UVRAG: variants seen among roughly 807,000 people sequenced by gnomAD.
UVRAG encodes UV radiation resistance-associated gene protein.
Under a neutral mutation model 78.0 loss-of-function variants are expected in UVRAG, and 19 were observed. That is an observed-to-expected ratio of 0.24 (90% CI 0.17 to 0.36). UVRAG has a LOEUF of 0.36. UVRAG is among the 10% of genes least tolerant of loss of function. The pLI, the probability that UVRAG is intolerant of heterozygous loss-of-function variation, is 1.00. For missense variants in UVRAG, 740 were observed against 853.8 expected (o/e 0.87, Z 1.66); for synonymous variants, 323 against 324.6 (o/e 1.00, Z 0.05).
At chr11:75,877,852 C>G (rs1313901772) in intron 3 of UVRAG, among the ~76,000 whole-genome samples, 40 of 136,314 alleles carry the variant, frequency 2.9e-4, no homozygotes, top group African/African-American at 1.1e-3. Flanking sequence ...GGCGGCTGGC[C>G]GGGCGGGGGG....
chr11:76,095,132 A>T (rs1414105870), intron 13 of UVRAG, among the ~76,000 whole-genome samples: 1 of 152,164 alleles, frequency 6.6e-6, no homozygotes, highest in Non-Finnish European at 1.5e-5. Flanking sequence ...ATTTGTCAGG[A>T]TGGAAAAAGA....
intron 8 of UVRAG, 116 bp downstream of exon 8, chr11:75,983,629 TG>T: frequency 7.6e-7 from 1 of 1,321,754 alleles, no homozygotes; most frequent in Non-Finnish European, 1.0e-6. Flanking sequence ...CATCACTTAA[TG>T]ACAGGGATAT....
intron 13 of UVRAG, among the ~76,000 whole-genome samples, chr11:76,111,404 C>T (rs1347184553): frequency 6.6e-6 from 1 of 152,112 alleles, no homozygotes; most frequent in East Asian, 1.9e-4. Flanking sequence ...GTAATACTCC[C>T]AGTTCACTTT....
At chr11:75,952,858 A>G (rs1208875682) in intron 6 of UVRAG, among the ~76,000 whole-genome samples, 3 of 152,020 alleles carry the variant, frequency 2.0e-5, no homozygotes, top group African/African-American at 4.8e-5. Flanking sequence ...TGCTACTGGC[A>G]TTTTACCGGT....
At chr11:76,108,628 G>A (rs914655092) in intron 13 of UVRAG, among the ~76,000 whole-genome samples, 1 of 152,120 alleles carries the variant, frequency 6.6e-6, no homozygotes, top group Non-Finnish European at 1.5e-5. Context: ...ACAAAAAGGG[G>A]GTATAGGAGA....
intron 14 of UVRAG, among the ~76,000 whole-genome samples, chr11:76,135,833 G>A (rs923925846): frequency 2.6e-5 from 4 of 152,194 alleles, no homozygotes; most frequent in Admixed American, 6.5e-5. Flanking sequence ...CTTGGTGGGA[G>A]CAGAGAATAA....
At chr11:76,075,262 T>A (rs1224533420) in intron 13 of UVRAG, among the ~76,000 whole-genome samples, 2 of 151,786 alleles carry the variant, frequency 1.3e-5, no homozygotes, top group African/African-American at 4.8e-5. Flanking sequence ...GTACTAAATT[T>A]AAAAAAAAGT....
At chr11:75,963,433 C>A (rs1360798871) in intron 7 of UVRAG, among the ~76,000 whole-genome samples, 1 of 152,162 alleles carries the variant, frequency 6.6e-6, no homozygotes, top group African/African-American at 2.4e-5. Flanking sequence ...GAGAATAATG[C>A]CATCTACATG....
intron 12 of UVRAG, among the ~76,000 whole-genome samples, chr11:76,020,264 A>G (rs1425095486): frequency 1.3e-5 from 2 of 152,064 alleles, no homozygotes; most frequent in African/African-American, 4.8e-5. Context: ...ACGTCCAGAA[A>G]TGCCATCCAA....
intron 8 of UVRAG, among the ~76,000 whole-genome samples, chr11:75,984,658 A>G (rs1591095609): frequency 6.6e-6 from 1 of 152,258 alleles, no homozygotes; most frequent in South Asian, 2.1e-4. Context: ...CCTTCCATTT[A>G]CCACATCTCC....
At chr11:75,948,904 T>A (rs1157844716) in intron 6 of UVRAG, among the ~76,000 whole-genome samples, 1 of 152,170 alleles carries the variant, frequency 6.6e-6, no homozygotes, top group African/African-American at 2.4e-5. Flanking sequence ...TCTAGTTGTC[T>A]CTAAGGAAAT....
intron 13 of UVRAG, among the ~76,000 whole-genome samples, chr11:76,111,278 A>G (rs1952062536): frequency 6.6e-6 from 1 of 152,242 alleles, no homozygotes; most frequent in South Asian, 2.1e-4. Flanking sequence ...ACGAAGCAAT[A>G]TAATCCAAAC....
chr11:75,983,364 T>C (rs1178632407), intron 7 of UVRAG, 23 bp from the exon 8 acceptor site: 1 of 1,555,536 alleles, frequency 6.4e-7, no homozygotes, highest in Non-Finnish European at 8.7e-7. Context: ...TTCATAAATA[T>C]ACCTGTGATT....
chr11:76,108,468 A>G (rs1457658008), intron 13 of UVRAG, among the ~76,000 whole-genome samples: 1 of 152,190 alleles, frequency 6.6e-6, no homozygotes, highest in Non-Finnish European at 1.5e-5. Context: ...CAATGGAGCA[A>G]CATTTATCAA....
intron 8 of UVRAG, among the ~76,000 whole-genome samples, chr11:75,991,809 C>G (rs377486353): frequency 5.2e-4 from 79 of 152,072 alleles, no homozygotes; most frequent in Non-Finnish European, 7.6e-4. Flanking sequence ...GATGTCTATC[C>G]TTAGATTATA....
chr11:75,991,145 A>G (rs992207239), intron 8 of UVRAG, among the ~76,000 whole-genome samples: 1 of 152,224 alleles, frequency 6.6e-6, no homozygotes, highest in Non-Finnish European at 1.5e-5. Flanking sequence ...ATCATGAAGC[A>G]TTATGATAAA....
At chr11:76,094,610 T>C (rs1029300343) in intron 13 of UVRAG, among the ~76,000 whole-genome samples, 2 of 152,202 alleles carry the variant, frequency 1.3e-5, no homozygotes, top group Non-Finnish European at 2.9e-5. Context: ...GTCCGGGAAT[T>C]TATCCATTTC....
chr11:76,027,439 CTT>C (rs955564250), intron 12 of UVRAG, among the ~76,000 whole-genome samples: 5 of 152,042 alleles, frequency 3.3e-5, no homozygotes, highest in Non-Finnish European at 5.9e-5. Flanking sequence ...AAATGCATCT[CTT>C]TTTTTCTCTC....
At chr11:75,917,665 C>T (rs1439230126) in intron 6 of UVRAG, among the ~76,000 whole-genome samples, 1 of 152,186 alleles carries the variant, frequency 6.6e-6, no homozygotes, top group Non-Finnish European at 1.5e-5. Flanking sequence ...GTGTCTGGAG[C>T]CACACTCATC....
Sources: allele counts gnomAD v4.1 joint callset (sites outside exome capture counted in the v4.1 genomes callset), GRCh38; gene constraint gnomAD v4.1.1; transcripts MANE v1.5; gene names NCBI Gene and HGNC (gene_info 2026-07-23, HGNC 2026-07-21).